The following LSM14A variants were observed in gnomAD, a reference collection of about 807,000 sequenced individuals.
LSM14A encodes the protein protein LSM14 homolog A.
Under a neutral mutation model 52.4 loss-of-function variants are expected in LSM14A, and 14 were observed. The ratio of observed to expected loss-of-function variants is 0.27; its 90% CI spans 0.18 to 0.42. The LOEUF (loss-of-function observed/expected upper bound fraction) is 0.42. Ranked by LOEUF, LSM14A falls within the 10% of genes least tolerant of loss-of-function variation. LSM14A has a pLI of 1.00. For synonymous variants in LSM14A, 185 were observed against 200.3 expected (o/e 0.92, Z 0.64); for missense variants, 417 against 581.8 (o/e 0.72, Z 2.91).
At chr19:34,200,716 G>A (rs913759756) in intron 3 of LSM14A, among the ~76,000 whole-genome samples, 2 of 152,146 alleles carry the variant, frequency 1.3e-5, no homozygotes, top group African/African-American at 4.8e-5. Flanking sequence ...AGGTGAAATA[G>A]TGTAACTTTG....
chr19:34,211,339 GATTATGTAATGA>G (rs2072135622), intron 4 of LSM14A, among the ~76,000 whole-genome samples: 1 of 151,736 alleles, frequency 6.6e-6, no homozygotes, highest in Admixed American at 6.6e-5. Context: ...CTAATCCATT[GATTATGTAATGA>G]GGAGAAAAGA....
chr19:34,215,128 C>T lies in LSM14A; in HGVS notation c.543C>T (p.Arg181=). 1.9e-6 allele frequency: 3 copies of T among 1,607,604 alleles called. No individual in the cohort carries two copies. Among genetic ancestry groups the T allele is most frequent in the Non-Finnish European group, 2.5e-6 (3 of 1,178,158 alleles). The change falls in exon 5 of 10, where the codon CGC becomes CGT. Residue 181 remains arginine (R), a synonymous_variant. Transcript: ENST00000544216. ...TATCTTTTGGTTACATTTTAGGTCG[C>T]TCAAGCCCTCAGTTAGACCCTTTGA... ...RSLKTQLSQG[R]SSPQLDPLRK...
At position 34,219,785 on chromosome 19, in the gene LSM14A, A is replaced by G. The variant is rs1414161763; in HGVS notation, c.1044A>G (p.Glu348=). Residue 348 remains glutamate, a synonymous_variant, in exon 8 of 10, where the codon GAA becomes GAG. Transcript: ENST00000544216. ...GDSGVDTQNS[E]GNADEEDPLG... ...CAGGAGTTGATACCCAAAACAGTGA[A>G]GGAAATGCCGATGAAGAAGATCCAC... The G allele has an allele frequency of 6.2e-7, 1 of 1,613,730 alleles. No individual in the cohort carries two copies. Among genetic ancestry groups the G allele is most frequent in the East Asian group, 2.2e-5 (1 of 44,866 alleles).
intron 4 of LSM14A, among the ~76,000 whole-genome samples, chr19:34,213,721 C>A (rs912926382): frequency 6.6e-6 from 1 of 152,148 alleles, no homozygotes; most frequent in African/African-American, 2.4e-5. Context: ...TGTGACCAGG[C>A]GACCTCATAA....
intron 4 of LSM14A, among the ~76,000 whole-genome samples, chr19:34,214,364 TGCAGTGGCACAATCTCG>T (rs2072416576): frequency 6.6e-6 from 1 of 151,872 alleles, no homozygotes; most frequent in Non-Finnish European, 1.5e-5. Flanking sequence ...TAGGCTAGAG[TGCAGTGGCACAATCTCG>T]GCTCACTGCA....
intron 6 of LSM14A, among the ~76,000 whole-genome samples, chr19:34,219,118 CTG>C (rs2072883023): frequency 1.3e-5 from 2 of 152,174 alleles, no homozygotes; most frequent in Non-Finnish European, 2.9e-5. Flanking sequence ...ACTTGCCTGG[CTG>C]TATACTCTGT....
intron 3 of LSM14A, chr19:34,208,351 T>TA (rs2071865559): frequency 6.6e-6 from 1 of 152,242 alleles, no homozygotes; most frequent in Non-Finnish European, 1.5e-5. Context: ...AGAAATTTGA[T>TA]ATAACCTAGT....
At chr19:34,177,958 C>T (rs1226887810) in intron 1 of LSM14A, among the ~76,000 whole-genome samples, 1 of 152,014 alleles carries the variant, frequency 6.6e-6, no homozygotes, top group Non-Finnish European at 1.5e-5. Flanking sequence ...GTCAGAAGCT[C>T]GAGACCAGTC....
At chr19:34,214,188 TTTTG>T (rs780770760) in intron 4 of LSM14A, among the ~76,000 whole-genome samples, 15 of 151,974 alleles carry the variant, frequency 9.9e-5, no homozygotes, top group Non-Finnish European at 1.9e-4. Flanking sequence ...TGTTTTTTGG[TTTTG>T]TTTGTTTGTT....
intron 1 of LSM14A, among the ~76,000 whole-genome samples, chr19:34,174,338 A>G (rs1335370315): frequency 1.3e-5 from 2 of 152,250 alleles, no homozygotes; most frequent in African/African-American, 4.8e-5. Context: ...GTACACCATA[A>G]AGGAGTAGTA....
intron 3 of LSM14A, among the ~76,000 whole-genome samples, chr19:34,205,805 G>A (rs1396244438): frequency 6.6e-6 from 1 of 151,978 alleles, no homozygotes; most frequent in Non-Finnish European, 1.5e-5. Context: ...AGTAGAAATA[G>A]ATTATATTAT....
Position 34,228,393 on chromosome 19 carries a change from A to G in LSM14A, c.*1005A>G, listed in dbSNP as rs2145924898. 6.5e-6 allele frequency: 1 copy of G among 152,764 alleles called. No individual in the cohort carries two copies. The highest frequency in any genetic ancestry group is 1.9e-4 in the East Asian group (1 of 5,188). The allele number at this position is 152,764 out of a possible 1,614,324, so 9.5% of individuals were successfully genotyped here. On this transcript the variant is annotated 3_prime_UTR_variant, in exon 10 of 10. Transcript: ENST00000544216. ...TACTTAGCTGTATTTTCAAATAAGTAATCTTCCCCCCTTTTGTAGGACTTT... is the reference window on the plus strand; with the variant it reads ...TACTTAGCTGTATTTTCAAATAAGTGATCTTCCCCCCTTTTGTAGGACTTT...
chr19:34,181,890 T>G (rs1240820024), intron 1 of LSM14A, among the ~76,000 whole-genome samples: 2 of 152,158 alleles, frequency 1.3e-5, no homozygotes, highest in Non-Finnish European at 2.9e-5. Context: ...AGAATCTCAA[T>G]TCAGCATGCT....
chr19:34,221,792 C>G lies in LSM14A; in HGVS notation c.1368+54C>G. Reference sequence around the variant, plus strand: ...GGGTTGACATGCATTTTACAAGACTCAAAACATTTTTACTTGTTTTTGTTT... The same window carrying G: ...GGGTTGACATGCATTTTACAAGACTGAAAACATTTTTACTTGTTTTTGTTT... On this transcript the variant is annotated intron_variant, in intron 9 of 9. Coordinates refer to ENST00000544216, the MANE Select transcript of LSM14A (RefSeq NM_015578.4). The G allele has an allele frequency of 3.9e-6, 6 of 1,555,774 alleles. No individual in the cohort carries two copies. The South Asian group carries it at 7.1e-5, about 18-fold the overall frequency.
In LSM14A at chr19:34,219,765, G is replaced by T; in HGVS notation, c.1024G>T (p.Val342Phe). ...VNGEDKGDSGVDTQNSEGNAD... is the reference protein window; with the variant it reads ...VNGEDKGDSGFDTQNSEGNAD... ...TGGTGAAGATAAAGGAGACTCAGGA[G>T]TTGATACCCAAAACAGTGAAGGAAA... The change falls in exon 8 of 10, where the codon GTT (valine) becomes TTT (phenylalanine). Residue 342 changes from valine to phenylalanine, a missense_variant. Transcript: ENST00000544216. 6.2e-7 allele frequency: 1 copy of T among 1,613,942 alleles called. No homozygotes were observed. The highest frequency in any genetic ancestry group is 1.1e-5 in the South Asian group (1 of 91,080).
At chr19:34,220,616 AATTGTC>A (rs72522293) in intron 8 of LSM14A, among the ~76,000 whole-genome samples, 52,785 of 151,714 alleles carry the variant, frequency 0.35, 9,567 homozygotes, top group African/African-American at 0.4. Flanking sequence ...GCCCAATCCA[AATTGTC>A]ATTGTCCTTG....
At chr19:34,206,175 A>G (rs1243313731) in intron 3 of LSM14A, among the ~76,000 whole-genome samples, 1 of 152,226 alleles carries the variant, frequency 6.6e-6, no homozygotes, top group Non-Finnish European at 1.5e-5. Flanking sequence ...TCTACCAAAC[A>G]TTTAGGGAAG....
At chr19:34,179,092 A>G (rs1325139237) in intron 1 of LSM14A, among the ~76,000 whole-genome samples, 1 of 152,258 alleles carries the variant, frequency 6.6e-6, no homozygotes, top group Admixed American at 6.5e-5. Context: ...TACCTGGATA[A>G]TCATTCAAAT....
At chr19:34,226,732 A>G (rs1029195274) in intron 9 of LSM14A, among the ~76,000 whole-genome samples, 1 of 152,196 alleles carries the variant, frequency 6.6e-6, no homozygotes, top group African/African-American at 2.4e-5. Context: ...CCTTGGCTCC[A>G]GCCCTTTGTA....
Sources: allele counts gnomAD v4.1 joint callset (sites outside exome capture counted in the v4.1 genomes callset), GRCh38; gene constraint gnomAD v4.1.1; transcripts MANE v1.5; gene names NCBI Gene and HGNC (gene_info 2026-07-23, HGNC 2026-07-21).